The following NAALADL2 variants were observed in gnomAD, a reference collection of about 807,000 sequenced individuals.
The protein encoded by NAALADL2 is N-acetylated alpha-linked acidic dipeptidase like 2.
Under a neutral mutation model 87.2 loss-of-function variants are expected in NAALADL2, and 76 were observed. The ratio of observed to expected loss-of-function variants is 0.87; its 90% CI spans 0.72 to 1.05. The LOEUF is 1.05. Ranked by LOEUF, NAALADL2 falls within the 50% of genes least tolerant of loss-of-function variation. The pLI is 0.00. For missense variants in NAALADL2, 1,089 were observed against 945.8 expected (o/e 1.15, Z -1.99); for synonymous variants, 354 against 331.0 (o/e 1.07, Z -0.75).
chr3:175,638,326 A>T (rs1302415405), intron 11 of NAALADL2, among the ~76,000 whole-genome samples: 2 of 152,186 alleles, frequency 1.3e-5, no homozygotes, highest in Non-Finnish European at 2.9e-5. Context: ...TTCAGAGAAG[A>T]TTCAGACTTC....
intron 13 of NAALADL2, among the ~76,000 whole-genome samples, chr3:175,773,878 A>G (rs28572309): frequency 0.19 from 28,744 of 152,068 alleles, 3,427 homozygotes; most frequent in African/African-American, 0.34. Flanking sequence ...ATTTGAGACC[A>G]TGAAGCCAAC....
In NAALADL2 at chr3:175,718,828, G is replaced by A. The variant is rs189293074; in HGVS notation, c.1897-18478G>A. 1.7e-3 allele frequency among the ~76,000 whole-genome samples: 251 copies of A among 152,056 alleles called. 2 individuals carry two copies. The highest frequency in any genetic ancestry group is 5.9e-3 in the African/African-American group (246 of 41,490). ...CCACTGCACTCCAGCCTGGGCAACAGAGACCTTGTCTCAAAAAGACAAAAA... is the reference window on the plus strand; with the variant it reads ...CCACTGCACTCCAGCCTGGGCAACAAAGACCTTGTCTCAAAAAGACAAAAA... On this transcript the variant is annotated intron_variant, in intron 11 of 13. Transcript: ENST00000454872.
At chr3:175,099,841 T>A (rs1421018251) in intron 2 of NAALADL2, among the ~76,000 whole-genome samples, 1 of 152,128 alleles carries the variant, frequency 6.6e-6, no homozygotes, top group African/African-American at 2.4e-5. Context: ...TTGTCCACCA[T>A]TAAAGTGCCA....
intron 2 of NAALADL2, chr3:175,218,241 C>T (rs1742847059): frequency 8.6e-5 from 26 of 304,086 alleles, no homozygotes; most frequent in South Asian, 7.4e-4. Flanking sequence ...TCAAAGGATA[C>T]TTATTAAAAA....
intron 13 of NAALADL2, among the ~76,000 whole-genome samples, chr3:175,778,062 T>G (rs1390585316): frequency 1.3e-5 from 2 of 152,204 alleles, no homozygotes; most frequent in Non-Finnish European, 2.9e-5. Context: ...ATACACCTTT[T>G]AAAATAATCT....
intron 1 of NAALADL2, among the ~76,000 whole-genome samples, chr3:175,092,656 T>A (rs1202749095): frequency 6.6e-6 from 1 of 151,962 alleles, no homozygotes; most frequent in Non-Finnish European, 1.5e-5. Context: ...AACTATCATA[T>A]GTTGAATATA....
intron 13 of NAALADL2, among the ~76,000 whole-genome samples, chr3:175,779,603 T>A (rs902332064): frequency 3.8e-4 from 58 of 152,164 alleles, no homozygotes; most frequent in African/African-American, 1.3e-3. Context: ...GTGGTATGAG[T>A]AGTATTTCTG....
chr3:175,452,977 T>C (rs528394443), intron 6 of NAALADL2, among the ~76,000 whole-genome samples: 1 of 152,296 alleles, frequency 6.6e-6, no homozygotes, highest in Admixed American at 6.5e-5. Context: ...TCCAGGATTC[T>C]GTCTCAACAG....
chr3:174,559,151 G>A (rs1713252132), intron 2 of NAALADL2, among the ~76,000 whole-genome samples: 1 of 152,220 alleles, frequency 6.6e-6, no homozygotes, highest in East Asian at 1.9e-4. Context: ...TGTATTTCAC[G>A]GTGAGCAGGT....
At position 175,230,567 on chromosome 3, in the gene NAALADL2, T is replaced by A. The variant is rs553120758; in HGVS notation, c.546-3364T>A. On this transcript the variant is annotated intron_variant, in intron 2 of 13. Coordinates refer to ENST00000454872, the MANE Select transcript of NAALADL2 (RefSeq NM_207015.3). ...TGCAAATTAAAACCACAATGGGATA[T>A]AATTTTACCCTCATTGTAGAGCGGA... Among the ~76,000 whole-genome samples the A allele has an allele frequency of 5.3e-5, 8 of 152,154 alleles. No individual in the cohort carries two copies. The East Asian group carries it at 1.5e-3, about 29-fold the overall frequency.
rs528287296 is a variant in NAALADL2, at chr3:175,552,505, A to G, written c.1654-23536A>G. 1.3e-4 allele frequency among the ~76,000 whole-genome samples: 20 copies of G among 152,258 alleles called. No homozygotes were observed. The East Asian group carries it at 2.9e-3, about 22-fold the overall frequency. On this transcript the variant is annotated intron_variant, in intron 9 of 13. Coordinates refer to ENST00000454872, the MANE Select transcript of NAALADL2 (RefSeq NM_207015.3). The stretch of plus-strand genomic sequence containing the variant: ...AGTTTATGTTGAAATATACAGCTAT[A>G]CTTTTACATTACCAAGATTTACCAT...
intron 2 of NAALADL2, among the ~76,000 whole-genome samples, chr3:174,611,924 T>C (rs77429493): frequency 7.1e-6 from 1 of 140,770 alleles, no homozygotes; most frequent in Non-Finnish European, 1.5e-5. Context: ...ATTAATGTCC[T>C]TTTTTTTTTT....
In NAALADL2 at chr3:175,312,322, G is replaced by T. The variant is rs887012543; in HGVS notation, c.940-11853G>T. 1.3e-4 allele frequency among the ~76,000 whole-genome samples: 20 copies of T among 152,052 alleles called. No individual in the cohort carries two copies. In the South Asian group the frequency reaches 1.9e-3, roughly 14 times the overall value. ...ATAAGAATGTACTATGAGATGTCAGGTTCATGTTTTTTTAAGTTTATTTTT... is the reference window on the plus strand; with the variant it reads ...ATAAGAATGTACTATGAGATGTCAGTTTCATGTTTTTTTAAGTTTATTTTT... On this transcript the variant is annotated intron_variant, in intron 4 of 13. Coordinates refer to ENST00000454872, the MANE Select transcript of NAALADL2 (RefSeq NM_207015.3).
At chr3:174,563,354 T>A (rs1201797797) in intron 2 of NAALADL2, among the ~76,000 whole-genome samples, 1 of 151,528 alleles carries the variant, frequency 6.6e-6, no homozygotes, top group East Asian at 1.9e-4. Context: ...AGAAATTTCT[T>A]TGAACTCTTA....
chr3:174,641,315 C>T (rs932398909), intron 2 of NAALADL2, among the ~76,000 whole-genome samples: 3 of 152,180 alleles, frequency 2.0e-5, no homozygotes, highest in Non-Finnish European at 4.4e-5. Context: ...GGAGGTTCAG[C>T]AGCTCCTGGA....
chr3:175,035,149 C>G (rs150992508), intron 1 of NAALADL2, among the ~76,000 whole-genome samples: 2 of 152,236 alleles, frequency 1.3e-5, no homozygotes, highest in Non-Finnish European at 2.9e-5. Context: ...CTGTGGGGAT[C>G]TACTTGAACA....
chr3:175,427,973 A>G (rs999816105), intron 5 of NAALADL2, among the ~76,000 whole-genome samples: 7 of 152,186 alleles, frequency 4.6e-5, no homozygotes, highest in Non-Finnish European at 8.8e-5. Flanking sequence ...AATACAGAAC[A>G]TTTCTTTTTT....
At chr3:174,542,744 G>A (rs1722358130) in intron 1 of NAALADL2, among the ~76,000 whole-genome samples, 1 of 152,118 alleles carries the variant, frequency 6.6e-6, no homozygotes, top group Admixed American at 6.5e-5. Flanking sequence ...GGCACTGATG[G>A]GAATGTCTTA....
intron 1 of NAALADL2, among the ~76,000 whole-genome samples, chr3:174,513,171 C>T (rs1053974203): frequency 4.0e-5 from 6 of 151,880 alleles, no homozygotes; most frequent in East Asian, 2.0e-4. Context: ...CATGTTGGTC[C>T]GGCTGGTCTT....
Sources: gnomAD v4.1 joint callset for allele counts (sites outside exome capture counted in the v4.1 genomes callset) on GRCh38, gnomAD v4.1.1 for gene constraint, MANE v1.5 for transcripts, NCBI Gene and HGNC (gene_info 2026-07-23, HGNC 2026-07-21) for gene names.